Variants in LRRC4C observed in about 807,000 individuals in gnomAD.
The protein encoded by LRRC4C is leucine-rich repeat-containing protein 4C.
A neutral mutation model predicts 33.6 loss-of-function variants in LRRC4C; 5 were observed. That is an observed-to-expected ratio of 0.15 (90% confidence interval 0.08 to 0.31). The LOEUF is 0.31. Among genes scored for constraint, LRRC4C ranks in the 10% least tolerant of loss-of-function variants. LRRC4C has a pLI of 1.00. For missense variants in LRRC4C, 560 were observed against 796.7 expected (o/e 0.70, Z 3.58); for synonymous variants, 329 against 302.0 (o/e 1.09, Z -0.93).
chr11:40,792,994 G>A (rs891985740), intron 2 of LRRC4C, among the ~76,000 whole-genome samples: 5 of 152,118 alleles, frequency 3.3e-5, no homozygotes, highest in Non-Finnish European at 5.9e-5. Context: ...TTGTGGGGTC[G>A]GGGGATGGGG....
rs200360513 is a variant in LRRC4C at position 40,889,647 on chromosome 11, T to G, written c.-407+43988A>C. On this transcript the variant is annotated intron_variant, in intron 2 of 6. Coordinates refer to ENST00000528697, the MANE Select transcript of LRRC4C (RefSeq NM_001258419.2). Reference sequence around the variant, plus strand: ...AAACCATCCATTATCTCTTTTTGGGTGTTCTGCATTCTGGCATTCATATGT... The same window carrying G: ...AAACCATCCATTATCTCTTTTTGGGGGTTCTGCATTCTGGCATTCATATGT... Among the ~76,000 whole-genome samples, 593 of 152,230 alleles carry G rather than the reference T, an allele frequency of 3.9e-3. 6 individuals are homozygous for G. The highest frequency in any genetic ancestry group is 0.014 in the African/African-American group (572 of 41,566).
intron 3 of LRRC4C, among the ~76,000 whole-genome samples, chr11:40,411,441 A>T (rs912546116): frequency 8.5e-5 from 13 of 152,090 alleles, no homozygotes; most frequent in Non-Finnish European, 1.6e-4. Context: ...AGATAATAAT[A>T]CCACATTTGC....
At chr11:40,381,319 A>G (rs1487197741) in intron 3 of LRRC4C, among the ~76,000 whole-genome samples, 1 of 151,930 alleles carries the variant, frequency 6.6e-6, no homozygotes, top group Non-Finnish European at 1.5e-5. Flanking sequence ...AATACAACCC[A>G]TTATATTGGC....
At chr11:41,094,211 G>T (rs1184132568) in intron 1 of LRRC4C, among the ~76,000 whole-genome samples, 1 of 151,914 alleles carries the variant, frequency 6.6e-6, no homozygotes, top group African/African-American at 2.4e-5. Context: ...TCTCCTTAAA[G>T]CTAGTTTCTG....
chr11:41,042,284 G>C (rs1419035423), intron 1 of LRRC4C, among the ~76,000 whole-genome samples: 1 of 152,108 alleles, frequency 6.6e-6, no homozygotes, highest in African/African-American at 2.4e-5. Flanking sequence ...TAGAAACCAG[G>C]TGTGGCAACC....
chr11:41,418,016 A>C (rs114179337), intron 1 of LRRC4C, among the ~76,000 whole-genome samples: 5,080 of 151,244 alleles, frequency 0.034, 112 homozygotes, highest in African/African-American at 0.071. Flanking sequence ...AGACCCCCCC[A>C]CACACACATA....
At chr11:41,330,671 A>C (rs1399642589) in intron 1 of LRRC4C, among the ~76,000 whole-genome samples, 3 of 152,166 alleles carry the variant, frequency 2.0e-5, no homozygotes, top group Non-Finnish European at 2.9e-5. Flanking sequence ...ACCTGGGCTC[A>C]AGCCATCCTC....
intron 1 of LRRC4C, among the ~76,000 whole-genome samples, chr11:41,166,762 T>C (rs1944747239): frequency 6.6e-6 from 1 of 152,160 alleles, no homozygotes; most frequent in African/African-American, 2.4e-5. Flanking sequence ...CAATCAATAT[T>C]TGTTAAATTG....
chr11:40,957,733 T>C (rs946058226), intron 1 of LRRC4C, among the ~76,000 whole-genome samples: 3 of 151,730 alleles, frequency 2.0e-5, no homozygotes, highest in Non-Finnish European at 4.4e-5. Context: ...TTGAGAAGAG[T>C]GTGTGATGGC....
intron 1 of LRRC4C, among the ~76,000 whole-genome samples, chr11:41,002,929 T>C (rs1854488271): frequency 6.6e-6 from 1 of 152,190 alleles, no homozygotes; most frequent in South Asian, 2.1e-4. Flanking sequence ...TCATTTGAAA[T>C]GTTACATTGT....
intron 3 of LRRC4C, among the ~76,000 whole-genome samples, chr11:40,332,510 G>C (rs1032573647): frequency 1.3e-5 from 2 of 152,098 alleles, no homozygotes; most frequent in African/African-American, 4.8e-5. Context: ...CAGGGCTTAG[G>C]ACTTTAACAT....
At chr11:40,312,246 C>G (rs1483932571) in intron 4 of LRRC4C, among the ~76,000 whole-genome samples, 1 of 152,160 alleles carries the variant, frequency 6.6e-6, no homozygotes, top group Admixed American at 6.5e-5. Flanking sequence ...TAATCGATAA[C>G]AGTAACCATA....
intron 3 of LRRC4C, among the ~76,000 whole-genome samples, chr11:40,518,797 A>C (rs1278365216): frequency 9.7e-6 from 1 of 102,670 alleles, no homozygotes; most frequent in Non-Finnish European, 2.1e-5. Context: ...AGACACATGC[A>C]CACATATTGC....
rs186799023 is a variant in LRRC4C at position 40,705,566 on chromosome 11, G to A, written c.-406-57288C>T. 1.5e-3 allele frequency among the ~76,000 whole-genome samples: 194 copies of A among 130,116 alleles called. 2 individuals carry two copies. The highest frequency in any genetic ancestry group is 4.6e-3 in the African/African-American group (175 of 37,858). The allele number at this position is 130,116 out of a possible 152,430, so 85.4% of individuals were successfully genotyped here. On this transcript the variant is annotated intron_variant, in intron 2 of 6. Coordinates refer to ENST00000528697, the MANE Select transcript of LRRC4C (RefSeq NM_001258419.2). Reference sequence around the variant, plus strand: ...CTTTTTTATGCCTGCATAGTATTCCGTGGTGTATATGTGCCACATTTTCTT... The same window carrying A: ...CTTTTTTATGCCTGCATAGTATTCCATGGTGTATATGTGCCACATTTTCTT...
intron 3 of LRRC4C, among the ~76,000 whole-genome samples, chr11:40,405,832 C>T (rs1259646355): frequency 1.3e-5 from 2 of 151,582 alleles, no homozygotes; most frequent in Non-Finnish European, 2.9e-5. Context: ...CTAATTTGGA[C>T]TGTGTGACCA....
chr11:40,414,242 C>T (rs577814746), intron 3 of LRRC4C, among the ~76,000 whole-genome samples: 5 of 151,978 alleles, frequency 3.3e-5, no homozygotes, highest in African/African-American at 7.2e-5. Context: ...GCACTAGGAA[C>T]GAGAGGATTG....
intron 3 of LRRC4C, among the ~76,000 whole-genome samples, chr11:40,384,351 A>C (rs543804538): frequency 1.3e-5 from 2 of 152,302 alleles, no homozygotes; most frequent in Admixed American, 1.3e-4. Context: ...TATTACAAGT[A>C]ATAATAACTA....
intron 1 of LRRC4C, among the ~76,000 whole-genome samples, chr11:41,035,496 C>T (rs1002518135): frequency 1.2e-4 from 19 of 152,028 alleles, no homozygotes; most frequent in African/African-American, 4.6e-4. Context: ...TTTTCTGGTC[C>T]TGTGTTAGTG....
At chr11:40,744,253 G>A (rs1398825661) in intron 2 of LRRC4C, among the ~76,000 whole-genome samples, 1 of 151,976 alleles carries the variant, frequency 6.6e-6, no homozygotes, top group Non-Finnish European at 1.5e-5. Context: ...AAATAAAGCT[G>A]GATAAGAGAT....
Sources: allele counts gnomAD v4.1 joint callset (sites outside exome capture counted in the v4.1 genomes callset), GRCh38; gene constraint gnomAD v4.1.1; transcripts MANE v1.5; gene names NCBI Gene and HGNC (gene_info 2026-07-23, HGNC 2026-07-21).